Variants in TRPM3 observed in about 807,000 individuals in gnomAD.
The protein encoded by TRPM3 is long transient receptor potential channel 3.
A neutral mutation model predicts 181.2 loss-of-function variants in TRPM3; 77 were observed. The observed-to-expected ratio is 0.42, with a 90% CI of 0.35 to 0.51. The LOEUF (loss-of-function observed/expected upper bound fraction) is 0.51, where lower values mean the gene tolerates loss of function less well. Among genes scored for constraint, TRPM3 ranks in the 20% least tolerant of loss-of-function variants. The pLI, the probability that TRPM3 is intolerant of heterozygous loss-of-function variation, is 0.01. For missense variants in TRPM3, 1,759 were observed against 2,196.7 expected, an observed-to-expected ratio of 0.80 and a Z score of 3.98; for synonymous variants, 745 against 796.4, an observed-to-expected ratio of 0.94 and a Z score of 1.09.
At chr9:71,143,141 A>G (rs890515421) in intron 1 of TRPM3, among the ~76,000 whole-genome samples, 3 of 151,766 alleles carry the variant, frequency 2.0e-5, no homozygotes, top group African/African-American at 7.3e-5. Context: ...AAGAAAAAAA[A>G]AAAAAAAGAA....
rs1337476205 is a variant in TRPM3 at position 70,773,140 on chromosome 9, C to T, written c.1148+10965G>A. On this transcript the variant is annotated intron_variant, in intron 7 of 25. Coordinates refer to ENST00000677713, the MANE Select transcript of TRPM3 (RefSeq NM_001366145.2). Reference sequence around the variant, plus strand: ...AGGGAGAGAAGATGGAATCTGGGTGCCACTTCCTCTGCTGTCTGGAAAGCT... The same window carrying T: ...AGGGAGAGAAGATGGAATCTGGGTGTCACTTCCTCTGCTGTCTGGAAAGCT... Among the ~76,000 whole-genome samples, 3 of 152,036 alleles carry T rather than the reference C, an allele frequency of 2.0e-5. No homozygotes were observed. In the East Asian group the frequency reaches 5.8e-4, roughly 29 times the overall value.
At chr9:71,047,676 C>T (rs1321754145) in intron 1 of TRPM3, among the ~76,000 whole-genome samples, 4 of 152,168 alleles carry the variant, frequency 2.6e-5, no homozygotes, top group African/African-American at 4.8e-5. Context: ...TAAGCAAGAA[C>T]TCATTCCTTT....
intron 1 of TRPM3, among the ~76,000 whole-genome samples, chr9:71,248,385 T>C (rs1367403733): frequency 2.0e-5 from 3 of 152,186 alleles, no homozygotes; most frequent in Non-Finnish European, 4.4e-5. Context: ...GATATTTGAA[T>C]GTGACTCCTA....
chr9:70,795,462 A>C (rs933374101), intron 6 of TRPM3, among the ~76,000 whole-genome samples: 2 of 152,254 alleles, frequency 1.3e-5, no homozygotes, highest in African/African-American at 4.8e-5. Flanking sequence ...AACTGAAAGA[A>C]GGCTCTGGCA....
intron 1 of TRPM3, among the ~76,000 whole-genome samples, chr9:71,307,285 T>C (rs1224846900): frequency 7.0e-6 from 1 of 142,876 alleles, no homozygotes; most frequent in African/African-American, 2.5e-5. Flanking sequence ...TTTGTTTTCC[T>C]AATAGATGCT....
chr9:70,572,861 A>G (rs1386974561), intron 22 of TRPM3, among the ~76,000 whole-genome samples: 1 of 152,214 alleles, frequency 6.6e-6, no homozygotes, highest in Non-Finnish European at 1.5e-5. Flanking sequence ...GTAAGTAACT[A>G]GATTTCTAAA....
rs529361090 is a variant in TRPM3 at position 71,329,493 on chromosome 9, A to G, written c.183+117160T>C. Reference sequence around the variant, plus strand: ...ACAGCAAAAAGTTCAAAGGGGCCATAAAGATGCTGCAGCAACTAAAGGAGC... The same window carrying G: ...ACAGCAAAAAGTTCAAAGGGGCCATGAAGATGCTGCAGCAACTAAAGGAGC... On this transcript the variant is annotated intron_variant, in intron 1 of 24. Coordinates refer to the TRPM3 transcript ENST00000357533. Among the ~76,000 whole-genome samples, 3 of 152,328 alleles carry G rather than the reference A, an allele frequency of 2.0e-5. 1 individual carries two copies. The highest frequency in any genetic ancestry group is 7.2e-5 in the African/African-American group (3 of 41,574).
chr9:71,446,582 T>G (rs2094207300), intron 1 of TRPM3: 1 of 1,479,958 alleles, frequency 6.8e-7, no homozygotes, highest in South Asian at 1.3e-5. Context: ...TTCAGCACCA[T>G]GGAAAGGGCT....
intron 6 of TRPM3, among the ~76,000 whole-genome samples, chr9:70,811,694 A>T (rs938937625): frequency 2.6e-5 from 4 of 152,186 alleles, no homozygotes; most frequent in African/African-American, 7.2e-5. Context: ...CCCTCCTTTT[A>T]ATAACATTTT....
At chr9:71,104,999 C>T (rs1472191751) in intron 1 of TRPM3, among the ~76,000 whole-genome samples, 1 of 152,116 alleles carries the variant, frequency 6.6e-6, no homozygotes, top group Non-Finnish European at 1.5e-5. Flanking sequence ...TATAACAAGA[C>T]AAATGAGTGC....
chr9:71,199,731 A>ACTT (rs1554844444), intron 1 of TRPM3, among the ~76,000 whole-genome samples: 15 of 149,504 alleles, frequency 1.0e-4, no homozygotes, highest in Non-Finnish European at 1.9e-4. Context: ...CCCCTTTATC[A>ACTT]TTTTTTTTGC....
intron 1 of TRPM3, among the ~76,000 whole-genome samples, chr9:71,080,632 T>C (rs1165170101): frequency 6.6e-6 from 1 of 152,066 alleles, no homozygotes; most frequent in African/African-American, 2.4e-5. Flanking sequence ...TTCCTGGTCA[T>C]CCCCAACTCC....
chr9:70,919,578 G>GT (rs1319274446), intron 1 of TRPM3, among the ~76,000 whole-genome samples: 1 of 152,172 alleles, frequency 6.6e-6, no homozygotes, highest in Non-Finnish European at 1.5e-5. Flanking sequence ...GAGGTCAGGA[G>GT]TTGGAGACCA....
At chr9:70,740,010 C>T (rs1484812529) in intron 8 of TRPM3, among the ~76,000 whole-genome samples, 2 of 152,118 alleles carry the variant, frequency 1.3e-5, no homozygotes, top group African/African-American at 2.4e-5. Flanking sequence ...GCATCCAAAT[C>T]GGTAAACAGG....
At chr9:71,270,992 A>G (rs1352868056) in intron 1 of TRPM3, among the ~76,000 whole-genome samples, 1 of 152,166 alleles carries the variant, frequency 6.6e-6, no homozygotes, top group East Asian at 1.9e-4. Context: ...GATAATGGCA[A>G]CCTCACAAGA....
chr9:71,076,042 A>G (rs2133640280), intron 1 of TRPM3, among the ~76,000 whole-genome samples: 1 of 152,276 alleles, frequency 6.6e-6, no homozygotes, highest in Non-Finnish European at 1.5e-5. Context: ...TTAAGTACCA[A>G]CTGTACGTTT....
chr9:70,813,727 C>T (rs1426063129), intron 6 of TRPM3, among the ~76,000 whole-genome samples: 2 of 152,206 alleles, frequency 1.3e-5, no homozygotes, highest in Admixed American at 6.5e-5. Flanking sequence ...CTGTAGAGCA[C>T]AGTGGTTGAG....
intron 1 of TRPM3, among the ~76,000 whole-genome samples, chr9:71,378,169 T>C (rs2092710595): frequency 6.6e-6 from 1 of 152,082 alleles, no homozygotes; most frequent in Admixed American, 6.6e-5. Context: ...ACAGGCACTT[T>C]GAAAGAGAAG....
In TRPM3 at chr9:70,746,536, G is replaced by A. The variant is rs972874735; in HGVS notation, c.1272+15065C>T. ...TCTGCTGTCTTCTCCAGTGTCTAAG[G>A]GAAAGTCGTCAGCTCTGTAGCCTGA... On this transcript the variant is annotated intron_variant, in intron 8 of 25. Transcript: ENST00000677713. 1.3e-5 allele frequency among the ~76,000 whole-genome samples: 2 copies of A among 152,220 alleles called. 1 individual carries two copies. Among genetic ancestry groups the A allele is most frequent in the Admixed American group, 1.3e-4 (2 of 15,272 alleles).
Sources: gnomAD v4.1 joint callset for allele counts (sites outside exome capture counted in the v4.1 genomes callset) on GRCh38, gnomAD v4.1.1 for gene constraint, MANE v1.5 for transcripts, NCBI Gene and HGNC (gene_info 2026-07-23, HGNC 2026-07-21) for gene names.